Variants in ARL13A observed in about 807,000 individuals in gnomAD.
ARL13A encodes the protein ARF like GTPase 13A.
ARL13A carries 16 observed loss-of-function variants against 19.1 expected under a neutral mutation model. The ratio of observed to expected loss-of-function variants is 0.84; its 90% CI spans 0.57 to 1.27. ARL13A has a LOEUF of 1.27. Ranked by LOEUF, ARL13A falls within the 50% of genes most tolerant of loss-of-function variation. ARL13A has a pLI of 0.00. For synonymous variants in ARL13A, 69 were observed against 71.3 expected, an observed-to-expected ratio of 0.97 and a Z score of 0.17; for missense variants, 153 against 186.4, an observed-to-expected ratio of 0.82 and a Z score of 1.04.
At position 100,988,284 on chromosome X, in the gene ARL13A, G is replaced by A; in HGVS notation, c.744+1G>A. 8.3e-7 allele frequency: 1 copy of A among 1,207,280 alleles called. No homozygotes were observed. Among genetic ancestry groups the A allele is most frequent in the Non-Finnish European group, 1.1e-6 (1 of 892,723 alleles). ...TAAGCCTCTAAAGTCAATCCTACAG[G>A]TAAATGGCCCTTTAAATGTTAATAT... On this transcript the variant is annotated splice_donor_variant, in intron 7 of 7. Coordinates refer to ENST00000450049, the MANE Select transcript of ARL13A (RefSeq NM_001162491.2). LOFTEE classifies it high-confidence loss of function.
At chrX:100,982,185 C>T (rs111795896) in intron 3 of ARL13A, among the ~76,000 whole-genome samples, 2 of 111,224 alleles carry the variant, frequency 1.8e-5, no homozygotes, top group African/African-American at 6.5e-5. Context: ...GGACTCAAAC[C>T]TTGAGAGAAC....
chrX:100,989,135 T>A (rs962895024), intron 7 of ARL13A, among the ~76,000 whole-genome samples: 2 of 110,444 alleles, frequency 1.8e-5, no homozygotes, highest in African/African-American at 3.3e-5. Flanking sequence ...TTTACTGACA[T>A]GGAAAGTTTT....
chrX:100,978,932 GC>G (rs2085810715), intron 3 of ARL13A, among the ~76,000 whole-genome samples: 1 of 110,204 alleles, frequency 9.1e-6, no homozygotes, highest in African/African-American at 3.3e-5. Context: ...TTCACCCACT[GC>G]CCCCTGGAAA....
chrX:100,984,614 C>A (rs772231170), intron 3 of ARL13A, among the ~76,000 whole-genome samples: 2 of 112,499 alleles, frequency 1.8e-5, no homozygotes, highest in East Asian at 5.5e-4. Context: ...TAACAACCAC[C>A]ATAAACATTT....
chrX:100,985,642 T>C, intron 3 of ARL13A, 25 bp from the exon 4 acceptor site: 1 of 1,187,462 alleles, frequency 8.4e-7, no homozygotes, highest in Non-Finnish European at 1.1e-6. Context: ...AAGTGATTGC[T>C]TCTCCTCTTT....
chrX:100,990,137 G>A (rs2085999242), intron 7 of ARL13A, among the ~76,000 whole-genome samples: 1 of 111,703 alleles, frequency 9.0e-6, no homozygotes. Context: ...CTACTTAAAT[G>A]AAGGGCAGAG....
chrX:100,982,062 G>T (rs770498265), intron 3 of ARL13A, among the ~76,000 whole-genome samples: 1 of 110,754 alleles, frequency 9.0e-6, no homozygotes, highest in Non-Finnish European at 1.9e-5. Context: ...GCACAAGCAG[G>T]TGTCCTAAAT....
At position 100,988,496 on chromosome X, in the gene ARL13A, G is replaced by A. The variant is rs1389729400; in HGVS notation, c.744+213G>A. ...AGAGCTCAGAATACTACGAAGCTTTGCTACAATTGAAGGAGTGGCTTATAG... is the reference window on the plus strand; with the variant it reads ...AGAGCTCAGAATACTACGAAGCTTTACTACAATTGAAGGAGTGGCTTATAG... On this transcript the variant is annotated intron_variant, in intron 7 of 7. Coordinates refer to ENST00000450049, the MANE Select transcript of ARL13A (RefSeq NM_001162491.2). 4.3e-6 allele frequency: 5 copies of A among 1,175,504 alleles called. No homozygotes were observed. The African/African-American group carries it at 5.3e-5, about 12-fold the overall frequency.
intron 1 of ARL13A, 51 bp from the exon 2 acceptor site, chrX:100,973,625 T>G: frequency 8.9e-7 from 1 of 1,119,562 alleles, no homozygotes; most frequent in Non-Finnish European, 1.2e-6. Context: ...AAAGGCTCAG[T>G]GTTTATAACA....
chrX:100,987,692 G>T, intron 6 of ARL13A, 136 bp downstream of exon 6: 2 of 689,406 alleles, frequency 2.9e-6, no homozygotes, highest in African/African-American at 2.1e-5. Context: ...TGGCTCAAAT[G>T]GGGCTAGGGC....
intron 3 of ARL13A, 73 bp from the exon 4 acceptor site, chrX:100,985,594 G>T: frequency 2.7e-6 from 3 of 1,119,744 alleles, no homozygotes; most frequent in South Asian, 2.2e-5. Flanking sequence ...AATCGGAACC[G>T]ACTCTACTCC....
chrX:100,987,699 G>A (rs965851850), intron 6 of ARL13A, 143 bp downstream of exon 6: 1 of 620,994 alleles, frequency 1.6e-6, no homozygotes, highest in Non-Finnish European at 2.4e-6. Flanking sequence ...AATGGGGCTA[G>A]GGCAGTGCCC....
intron 6 of ARL13A, among the ~76,000 whole-genome samples, chrX:100,987,874 G>A (rs1267948645): frequency 1.8e-5 from 2 of 111,898 alleles, no homozygotes; most frequent in Non-Finnish European, 3.8e-5. Flanking sequence ...AAAGGAACAT[G>A]AGCCCCTTAA....
chrX:100,989,676 T>C (rs1356551788), intron 7 of ARL13A, among the ~76,000 whole-genome samples: 1 of 111,403 alleles, frequency 9.0e-6, no homozygotes, highest in Admixed American at 9.6e-5. Flanking sequence ...AATACAAAAA[T>C]AAGCTATGAG....
rs771097268 is a variant in ARL13A, at chrX:100,988,281, C to A, written c.742C>A (p.Gln248Lys). Residue 248 changes from glutamine to lysine, a missense_variant and splice_region_variant, in exon 7 of 8, where the codon CAG (glutamine) becomes AAG (lysine). By Grantham distance (53) the Gln-to-Lys change is moderately conservative. Transcript: ENST00000450049. ...IEAKPLKSIL[Q>K]PSNQSYTH ...AGCTAAGCCTCTAAAGTCAATCCTA[C>A]AGGTAAATGGCCCTTTAAATGTTAA... The A allele has an allele frequency of 8.3e-7, 1 of 1,207,799 alleles. No individual in the cohort carries two copies. Among genetic ancestry groups the A allele is most frequent in the Admixed American group, 2.2e-5 (1 of 45,811 alleles).
intron 3 of ARL13A, among the ~76,000 whole-genome samples, chrX:100,982,241 A>C (rs2085868119): frequency 6.3e-5 from 7 of 111,272 alleles, no homozygotes; most frequent in Admixed American, 5.7e-4. Context: ...CTGTAATCCC[A>C]GCACTTTGGG....
Position 100,986,787 on chromosome X carries a change from C to T in ARL13A, c.381-9C>T, listed in dbSNP as rs1211196171. 1.7e-6 allele frequency: 2 copies of T among 1,153,976 alleles called. No individual in the cohort carries two copies. Among genetic ancestry groups the T allele is most frequent in the Admixed American group, 2.3e-5 (1 of 43,103 alleles). On this transcript the variant is annotated splice_polypyrimidine_tract_variant and intron_variant, in intron 4 of 7. Transcript: ENST00000450049. ...ACTCTTTTCCTCCCTCTCTCATATG[C>T]TGTTTTAGTTTAGCAAACAAACAAG...
chrX:100,989,347 C>T (rs762659900), intron 7 of ARL13A, among the ~76,000 whole-genome samples: 5 of 111,305 alleles, frequency 4.5e-5, no homozygotes, highest in African/African-American at 1.3e-4. Context: ...CGTAGTGGCT[C>T]ACACCTGTAA....
intron 3 of ARL13A, among the ~76,000 whole-genome samples, chrX:100,983,292 C>CA (rs1006627496): frequency 9.2e-6 from 1 of 108,612 alleles, no homozygotes; most frequent in South Asian, 3.9e-4. Flanking sequence ...TCTGACAGGG[C>CA]AAAAAAAATA....
Sources: allele counts gnomAD v4.1 joint callset (sites outside exome capture counted in the v4.1 genomes callset), GRCh38; gene constraint gnomAD v4.1.1; transcripts MANE v1.5; gene names NCBI Gene and HGNC (gene_info 2026-07-23, HGNC 2026-07-21).